The following TIAL1 variants were observed in gnomAD, a reference collection of about 807,000 sequenced individuals.
TIAL1 encodes nucleolysin TIAR.
Under a neutral mutation model 59.7 loss-of-function variants are expected in TIAL1, and 7 were observed. The observed-to-expected ratio is 0.12, with a 90% confidence interval of 0.07 to 0.22. The LOEUF (loss-of-function observed/expected upper bound fraction) is 0.22. TIAL1 is among the 10% of genes least tolerant of loss of function. TIAL1 has a pLI of 1.00. For missense variants in TIAL1, 225 were observed against 462.5 expected (o/e 0.49, Z 4.71); for synonymous variants, 149 against 146.3 (o/e 1.02, Z -0.13).
At chr10:119,592,666 A>T (rs2134008122) in intron 1 of TIAL1, among the ~76,000 whole-genome samples, 1 of 152,262 alleles carries the variant, frequency 6.6e-6, no homozygotes, top group East Asian at 1.9e-4. Flanking sequence ...TAATTGTTCA[A>T]TTTGTCGGTA....
chr10:119,576,916 A>C, intron 10 of TIAL1, 164 bp downstream of exon 10: 1 of 1,328,276 alleles, frequency 7.5e-7, no homozygotes. Context: ...CTGTGAAAAG[A>C]AAGTATTAAG....
intron 2 of TIAL1, among the ~76,000 whole-genome samples, chr10:119,587,776 A>G (rs1444096994): frequency 6.6e-6 from 1 of 152,240 alleles, no homozygotes; most frequent in Non-Finnish European, 1.5e-5. Flanking sequence ...GGTGCTGCAC[A>G]CTACACACAT....
intron 7 of TIAL1, 111 bp downstream of exon 7, chr10:119,578,615 A>G (rs1845147503): frequency 1.0e-6 from 1 of 973,892 alleles, no homozygotes. Flanking sequence ...TGGGCAACAG[A>G]GCAAGACCCT....
intron 1 of TIAL1, among the ~76,000 whole-genome samples, chr10:119,589,856 A>C (rs899051310): frequency 5.3e-5 from 8 of 152,214 alleles, no homozygotes; most frequent in Admixed American, 4.6e-4. Context: ...CAACCTCATA[A>C]ACCAAACAAT....
Position 119,582,588 on chromosome 10 carries a change from G to C in TIAL1, c.130-31C>G. 2 of 1,603,506 alleles carry C rather than the reference G, an allele frequency of 1.2e-6. No individual in the cohort carries two copies. The highest frequency in any genetic ancestry group is 2.2e-5 in the South Asian group (2 of 89,130). ...AAACAGAAAATCCAACAGAAGAGTT[G>C]ACCCTTCTGCTATCGGGTTGCTGAG... is the stretch of plus-strand genomic sequence containing the variant. On this transcript the variant is annotated intron_variant, in intron 2 of 11. Transcript: ENST00000436547. The surrounding 1 kb of genome is among the most constrained non-coding windows in gnomAD (Gnocchi z 5.1).
At chr10:119,592,923 C>T (rs1010547442) in intron 1 of TIAL1, among the ~76,000 whole-genome samples, 68 of 152,262 alleles carry the variant, frequency 4.5e-4, no homozygotes, top group Middle Eastern at 3.4e-3. Context: ...ATAGAATTTT[C>T]TTCTGCTTTG....
At chr10:119,596,411 C>T (rs1297445853) in intron 1 of TIAL1, 23 bp downstream of exon 1, 6 of 1,611,148 alleles carry the variant, frequency 3.7e-6, no homozygotes, top group Non-Finnish European at 5.1e-6. Context: ...TGGCGCCTGG[C>T]ACCCCTCGTC....
At chr10:119,584,553 G>A (rs1183449928) in intron 2 of TIAL1, among the ~76,000 whole-genome samples, 1 of 152,138 alleles carries the variant, frequency 6.6e-6, no homozygotes, top group African/African-American at 2.4e-5. Context: ...TGGGCTGGGT[G>A]CAGTGGCTCA....
At chr10:119,580,056 C>T (rs1307912092) in intron 5 of TIAL1, 46 bp from the exon 6 acceptor site, 1 of 1,512,440 alleles carries the variant, frequency 6.6e-7, no homozygotes, top group South Asian at 1.2e-5. Context: ...GAGCCACCCT[C>T]AAAATAAAAA....
intron 5 of TIAL1, chr10:119,580,748 G>T (rs987970124): frequency 1.9e-6 from 2 of 1,062,244 alleles, no homozygotes; most frequent in Admixed American, 4.9e-5. Context: ...TGTATAATAA[G>T]AATAAATAGA....
chr10:119,594,999 C>G (rs969578766), intron 1 of TIAL1, among the ~76,000 whole-genome samples: 1 of 152,174 alleles, frequency 6.6e-6, no homozygotes, highest in Non-Finnish European at 1.5e-5. Context: ...ACACAAAACA[C>G]AAAGACGTTC....
chr10:119,576,760 A>T lies in TIAL1; in HGVS notation c.862-10T>A. 1 of 1,611,996 alleles carries T rather than the reference A, an allele frequency of 6.2e-7. No homozygotes were observed. The highest frequency in any genetic ancestry group is 8.5e-7 in the Non-Finnish European group (1 of 1,179,516). Reference sequence around the variant, plus strand: ...ATTGACTATAGTCAACCTAGGAAAAAGCAAAGTATTGTTTTAGGGAACACA... The same window carrying T: ...ATTGACTATAGTCAACCTAGGAAAATGCAAAGTATTGTTTTAGGGAACACA... On this transcript the variant is annotated splice_polypyrimidine_tract_variant and intron_variant, in intron 10 of 11. Coordinates refer to ENST00000436547, the MANE Select transcript of TIAL1 (RefSeq NM_003252.4).
rs1844870157 is a variant in TIAL1 at position 119,574,586 on chromosome 10, C to CAAATAAAAAA, written c.*1078_*1079insTTTTTTATTT. On this transcript the variant is annotated 3_prime_UTR_variant, in exon 12 of 12. Transcript: ENST00000436547. ...TATTTACATACCAAGTAATGTAAAG[C>CAAATAAAAAA]AAAAAAAAAAAAAAAAAAAAACAAA... 1 of 86,550 alleles carries CAAATAAAAAA rather than the reference C, an allele frequency of 1.2e-5. No homozygotes were observed. The highest frequency in any genetic ancestry group is 2.1e-5 in the Non-Finnish European group (1 of 47,626). 5.4% of individuals were successfully genotyped at this position (86,550 alleles called of 1,614,324 possible). A position where few individuals can be genotyped will look rare whatever the true frequency, so the allele number is the denominator to read the frequency against.
At chr10:119,585,386 G>A (rs1845517879) in intron 2 of TIAL1, among the ~76,000 whole-genome samples, 1 of 151,704 alleles carries the variant, frequency 6.6e-6, no homozygotes, top group African/African-American at 2.4e-5. Context: ...GGAGGTGGAG[G>A]CTGCAGTGAG....
Position 119,573,689 on chromosome 10 carries a change from A to G in TIAL1, c.*1976T>C, listed in dbSNP as rs1282405929. On this transcript the variant is annotated 3_prime_UTR_variant, in exon 12 of 12. Transcript: ENST00000436547. ...TTTTTAACTCGGGGGCACAGTTAACATAATTTATTGAGTGTTCTCCCTATA... is the reference window on the plus strand; with the variant it reads ...TTTTTAACTCGGGGGCACAGTTAACGTAATTTATTGAGTGTTCTCCCTATA... 1.3e-5 allele frequency: 2 copies of G among 152,666 alleles called. No homozygotes were observed. Among genetic ancestry groups the G allele is most frequent in the East Asian group, 1.9e-4 (1 of 5,200 alleles). The allele number at this position is 152,666 out of a possible 1,614,324, so 9.5% of individuals were successfully genotyped here. A position where few individuals can be genotyped will look rare whatever the true frequency, so the allele number is the denominator to read the frequency against.
At chr10:119,596,123 T>C (rs1589892938) in intron 1 of TIAL1, among the ~76,000 whole-genome samples, 1 of 132,512 alleles carries the variant, frequency 7.5e-6, no homozygotes, top group Non-Finnish European at 1.6e-5. Context: ...GCGGAGGGGG[T>C]GCAGGAGTTC....
chr10:119,594,090 A>G (rs550298653), intron 1 of TIAL1, among the ~76,000 whole-genome samples: 1 of 151,056 alleles, frequency 6.6e-6, no homozygotes, highest in Non-Finnish European at 1.5e-5. Context: ...AAAAGGCCCT[A>G]TGGAAAAGGG....
At position 119,596,716 on chromosome 10, in the gene TIAL1, G is replaced by A; in HGVS notation, c.-251C>T. On this transcript the variant is annotated 5_prime_UTR_variant, in exon 1 of 12. Coordinates refer to ENST00000436547, the MANE Select transcript of TIAL1 (RefSeq NM_003252.4). Reference sequence around the variant, plus strand: ...CAGGCAGGAAACAGGGCAGAGCGCAGGCGCGACCCGCCAGGTCACCGCTCA... The same window carrying A: ...CAGGCAGGAAACAGGGCAGAGCGCAAGCGCGACCCGCCAGGTCACCGCTCA... 1.8e-6 allele frequency: 1 copy of A among 559,694 alleles called. No individual in the cohort carries two copies. Among genetic ancestry groups the A allele is most frequent in the East Asian group, 3.1e-5 (1 of 32,132 alleles). 34.7% of individuals were successfully genotyped at this position (559,694 alleles called of 1,614,324 possible). A position where few individuals can be genotyped will look rare whatever the true frequency, so the allele number is the denominator to read the frequency against.
chr10:119,595,401 C>T (rs1001321880), intron 1 of TIAL1, among the ~76,000 whole-genome samples: 1 of 148,202 alleles, frequency 6.7e-6, no homozygotes, highest in African/African-American at 2.5e-5. Context: ...AATTAGGGTG[C>T]CCAATTTAAA....
Sources: gnomAD v4.1 joint callset for allele counts (sites outside exome capture counted in the v4.1 genomes callset) on GRCh38, gnomAD v4.1.1 for gene constraint, Gnocchi (gnomAD v3.1) non-coding constraint, MANE v1.5 for transcripts, NCBI Gene and HGNC (gene_info 2026-07-23, HGNC 2026-07-21) for gene names.